MRPL48: variants seen among roughly 807,000 people sequenced by gnomAD.
The protein encoded by MRPL48 is mitochondrial ribosomal protein L48.
MRPL48 carries 16 observed loss-of-function variants against 32.9 expected under a neutral mutation model. The observed-to-expected ratio is 0.49, with a 90% CI of 0.33 to 0.74. The LOEUF is 0.74. MRPL48 is among the 30% of genes least tolerant of loss of function. The pLI, the probability that MRPL48 is intolerant of heterozygous loss-of-function variation, is 0.02. For missense variants in MRPL48, 206 were observed against 245.3 expected (o/e 0.84, Z 1.07); for synonymous variants, 94 against 89.2 (o/e 1.05, Z -0.31).
chr11:73,799,688 C>T (rs940342064), intron 1 of MRPL48, among the ~76,000 whole-genome samples: 2 of 152,104 alleles, frequency 1.3e-5, no homozygotes, highest in Non-Finnish European at 2.9e-5. Flanking sequence ...CAATGTTCAT[C>T]ATTTGAGTAA....
At chr11:73,861,778 G>A (rs372674331) in intron 6 of MRPL48, among the ~76,000 whole-genome samples, 51 of 152,270 alleles carry the variant, frequency 3.3e-4, no homozygotes, top group Middle Eastern at 3.4e-3. Flanking sequence ...TCCTAGTTTA[G>A]TCTTGTTTTT....
chr11:73,831,711 G>A (rs11235923), intron 4 of MRPL48, among the ~76,000 whole-genome samples: 1 of 151,756 alleles, frequency 6.6e-6, no homozygotes, highest in African/African-American at 2.4e-5. Flanking sequence ...GAGGCCGAGG[G>A]GGGAGGATCA....
At chr11:73,817,249 T>C (rs939178272) in intron 3 of MRPL48, among the ~76,000 whole-genome samples, 43 of 152,252 alleles carry the variant, frequency 2.8e-4, no homozygotes, top group Middle Eastern at 6.8e-3. Context: ...TTTTTCAACA[T>C]TTTTCTATTT....
intron 1 of MRPL48, among the ~76,000 whole-genome samples, chr11:73,800,419 T>C (rs1188277800): frequency 1.3e-5 from 2 of 152,296 alleles, no homozygotes; most frequent in Non-Finnish European, 2.9e-5. Flanking sequence ...CCCACTGCTC[T>C]CACCACCCAC....
At chr11:73,793,204 A>T (rs572137915) in intron 1 of MRPL48, among the ~76,000 whole-genome samples, 1 of 152,164 alleles carries the variant, frequency 6.6e-6, no homozygotes, top group Non-Finnish European at 1.5e-5. Context: ...TAGCTGGGAT[A>T]ACAGGCATGC....
intron 1 of MRPL48, among the ~76,000 whole-genome samples, chr11:73,799,977 T>C (rs1024388692): frequency 6.6e-6 from 1 of 152,194 alleles, no homozygotes; most frequent in Non-Finnish European, 1.5e-5. Flanking sequence ...GGACTTTGGA[T>C]TCAGGCAGAC....
At chr11:73,816,216 C>T (rs1256938698) in intron 3 of MRPL48, among the ~76,000 whole-genome samples, 1 of 151,350 alleles carries the variant, frequency 6.6e-6, no homozygotes, top group African/African-American at 2.4e-5. Flanking sequence ...CGCCCACCAC[C>T]ATGCCCAGCT....
At chr11:73,853,908 T>G (rs1292716283) in intron 5 of MRPL48, among the ~76,000 whole-genome samples, 1 of 151,966 alleles carries the variant, frequency 6.6e-6, no homozygotes, top group Non-Finnish European at 1.5e-5. Flanking sequence ...GCCAGGATGG[T>G]CTTGATCTCC....
intron 1 of MRPL48, among the ~76,000 whole-genome samples, chr11:73,797,525 G>A (rs59716840): frequency 0.083 from 12,632 of 152,234 alleles, 649 homozygotes; most frequent in East Asian, 0.18. Flanking sequence ...GCTTCTGAGC[G>A]CCACGTGTTC....
rs188374084 is a variant in MRPL48 at position 73,790,305 on chromosome 11, G to A, written c.21+2313G>A. On this transcript the variant is annotated intron_variant, in intron 1 of 7. Transcript: ENST00000310614. ...AGGATGGTCTCTATCTCCTGACCTC[G>A]TGATCCGGATCCGCCCACCTCAGCC... is the stretch of plus-strand genomic sequence containing the variant. 1.3e-3 allele frequency among the ~76,000 whole-genome samples: 196 copies of A among 148,028 alleles called. 1 individual carries two copies. Among genetic ancestry groups the A allele is most frequent in the African/African-American group, 4.6e-3 (183 of 39,906 alleles).
chr11:73,831,482 T>C (rs1310695706), intron 4 of MRPL48, among the ~76,000 whole-genome samples: 1 of 152,206 alleles, frequency 6.6e-6, no homozygotes, highest in Non-Finnish European at 1.5e-5. Flanking sequence ...GCTCATCCTG[T>C]AAGACCCATC....
chr11:73,824,318 G>A (rs1313224844), intron 3 of MRPL48, among the ~76,000 whole-genome samples: 2 of 152,052 alleles, frequency 1.3e-5, no homozygotes, highest in Admixed American at 1.3e-4. Context: ...GGCCGGGCGC[G>A]GTGGCTCACG....
chr11:73,816,837 T>G (rs1160628606), intron 3 of MRPL48, among the ~76,000 whole-genome samples: 6 of 151,662 alleles, frequency 4.0e-5, no homozygotes, highest in African/African-American at 1.5e-4. Flanking sequence ...ATTATTTTTT[T>G]TTTTTTGAGA....
intron 3 of MRPL48, among the ~76,000 whole-genome samples, chr11:73,824,062 G>A (rs978826065): frequency 6.6e-6 from 1 of 151,668 alleles, no homozygotes; most frequent in Non-Finnish European, 1.5e-5. Context: ...CACCATGCTG[G>A]TCAGGCTGGT....
chr11:73,824,551 C>T (rs1947848498), intron 3 of MRPL48, among the ~76,000 whole-genome samples: 1 of 151,648 alleles, frequency 6.6e-6, no homozygotes, highest in African/African-American at 2.4e-5. Context: ...CACCACTGCA[C>T]TCCAACCTGG....
chr11:73,796,740 T>C (rs189622635), intron 1 of MRPL48, among the ~76,000 whole-genome samples: 1 of 152,228 alleles, frequency 6.6e-6, no homozygotes, highest in East Asian at 1.9e-4. Context: ...CATGGACAAA[T>C]CAACATGTAC....
chr11:73,861,358 G>A (rs547645310), intron 6 of MRPL48, among the ~76,000 whole-genome samples: 1 of 150,602 alleles, frequency 6.6e-6, no homozygotes, highest in Admixed American at 6.6e-5. Context: ...GAGCTAGTTT[G>A]TTTTTTTTTG....
chr11:73,858,737 C>T (rs1948530799), intron 5 of MRPL48, among the ~76,000 whole-genome samples: 1 of 152,194 alleles, frequency 6.6e-6, no homozygotes, highest in Non-Finnish European at 1.5e-5. Flanking sequence ...TACCATATTT[C>T]CATGTAGCCA....
chr11:73,841,015 T>C (rs1439092985), intron 4 of MRPL48, among the ~76,000 whole-genome samples: 1 of 152,118 alleles, frequency 6.6e-6, no homozygotes, highest in Non-Finnish European at 1.5e-5. Context: ...AAATAGCCAG[T>C]AATCATATGG....
Sources: allele counts gnomAD v4.1 joint callset (sites outside exome capture counted in the v4.1 genomes callset), GRCh38; gene constraint gnomAD v4.1.1; transcripts MANE v1.5; gene names NCBI Gene and HGNC (gene_info 2026-07-23, HGNC 2026-07-21).